The following PDE3A variants were observed in gnomAD, a reference collection of about 807,000 sequenced individuals.
The protein encoded by PDE3A is cGMP-inhibited 3',5'-cyclic phosphodiesterase 3A.
Under a neutral mutation model 98.3 loss-of-function variants are expected in PDE3A, and 43 were observed. The observed-to-expected ratio is 0.44, with a 90% CI of 0.34 to 0.56. PDE3A has a LOEUF of 0.56. PDE3A is among the 20% of genes least tolerant of loss of function. The pLI, the probability that PDE3A is intolerant of heterozygous loss-of-function variation, is 0.01. For synonymous variants in PDE3A, 663 were observed against 567.9 expected (o/e 1.17, Z -2.38); for missense variants, 1,427 against 1,440.7 (o/e 0.99, Z 0.15).
chr12:20,466,404 T>C (rs949834601), intron 1 of PDE3A, among the ~76,000 whole-genome samples: 1 of 152,222 alleles, frequency 6.6e-6, no homozygotes, highest in African/African-American at 2.4e-5. Context: ...CTCCTGTGTT[T>C]CAAGGAGGAG....
At chr12:20,627,538 C>A (rs1421362979) in intron 5 of PDE3A, among the ~76,000 whole-genome samples, 1 of 152,008 alleles carries the variant, frequency 6.6e-6, no homozygotes, top group Non-Finnish European at 1.5e-5. Context: ...TTCTGTATTT[C>A]ATGAGGCCTC....
chr12:20,628,419 T>A (rs1944313351), intron 5 of PDE3A, among the ~76,000 whole-genome samples: 1 of 152,186 alleles, frequency 6.6e-6, no homozygotes, highest in Non-Finnish European at 1.5e-5. Context: ...TAAGGAGCAA[T>A]GCAAACGCTG....
chr12:20,376,132 T>G (rs1241617165), intron 1 of PDE3A, among the ~76,000 whole-genome samples: 1 of 151,888 alleles, frequency 6.6e-6, no homozygotes, highest in Non-Finnish European at 1.5e-5. Flanking sequence ...GTACACTGAT[T>G]GATTGTATTT....
intron 2 of PDE3A, among the ~76,000 whole-genome samples, chr12:20,562,654 C>T (rs12825661): frequency 0.51 from 77,246 of 151,916 alleles, 19,847 homozygotes; most frequent in Admixed American, 0.58. Flanking sequence ...CATCCTAACA[C>T]TTTAATATTC....
rs753390254 is a variant in PDE3A at position 20,679,907 on chromosome 12, TATA to T, written c.3185-119_3185-117del. 96,161 of 163,056 alleles carry T rather than the reference TATA, an allele frequency of 0.59. 27,712 individuals are homozygous for T. The highest frequency in any genetic ancestry group is 0.77 in the East Asian group (4,877 of 6,372). 10.1% of individuals were successfully genotyped at this position (163,056 alleles called of 1,614,324 possible). A position where few individuals can be genotyped will look rare whatever the true frequency, so the allele number is the denominator to read the frequency against. ...TATATATATAATAATATATATATAA[TATA>T]ATATAATATAATAAGGTTATGGATT... On this transcript the variant is annotated intron_variant, in intron 15 of 15. Coordinates refer to ENST00000359062, the MANE Select transcript of PDE3A (RefSeq NM_000921.5).
intron 2 of PDE3A, among the ~76,000 whole-genome samples, chr12:20,594,556 G>GT (rs1478447918): frequency 2.0e-5 from 3 of 150,988 alleles, no homozygotes; most frequent in Non-Finnish European, 4.4e-5. Flanking sequence ...GCTGAGCCTG[G>GT]TACCTGAGCA....
In PDE3A at chr12:20,493,196, T is replaced by A. The variant is rs1945858856; in HGVS notation, c.961-63464T>A. 2.6e-5 allele frequency among the ~76,000 whole-genome samples: 4 copies of A among 152,142 alleles called. No individual in the cohort carries two copies. The South Asian group carries it at 8.3e-4, about 32-fold the overall frequency. Reference sequence around the variant, plus strand: ...ATGAATTAATTTTACATGCACCTTTTAGCTGTTTCTGATTTTTACTTAGCA... The same window carrying A: ...ATGAATTAATTTTACATGCACCTTTAAGCTGTTTCTGATTTTTACTTAGCA... On this transcript the variant is annotated intron_variant, in intron 1 of 15. Transcript: ENST00000359062.
At chr12:20,593,325 C>G (rs576869502) in intron 2 of PDE3A, among the ~76,000 whole-genome samples, 1 of 152,074 alleles carries the variant, frequency 6.6e-6, no homozygotes, top group East Asian at 1.9e-4. Context: ...AAAAGGGCGG[C>G]GGGTTAAAGG....
chr12:20,662,974 C>A (rs1945214337), intron 15 of PDE3A, among the ~76,000 whole-genome samples: 1 of 152,138 alleles, frequency 6.6e-6, no homozygotes, highest in African/African-American at 2.4e-5. Flanking sequence ...TTTCACAGGC[C>A]AGGCCCCAGA....
intron 1 of PDE3A, among the ~76,000 whole-genome samples, chr12:20,491,858 A>G (rs1945831545): frequency 6.6e-6 from 1 of 152,200 alleles, no homozygotes; most frequent in Non-Finnish European, 1.5e-5. Flanking sequence ...AGTAGTGTCC[A>G]ATGTTACTGC....
intron 2 of PDE3A, among the ~76,000 whole-genome samples, chr12:20,585,773 G>C (rs568502563): frequency 7.9e-5 from 12 of 152,022 alleles, no homozygotes; most frequent in Non-Finnish European, 1.3e-4. Flanking sequence ...TCACTCTTTT[G>C]CTTTCTTTAG....
At chr12:20,633,282 G>A (rs1351873286) in intron 6 of PDE3A, among the ~76,000 whole-genome samples, 1 of 152,110 alleles carries the variant, frequency 6.6e-6, no homozygotes, top group African/African-American at 2.4e-5. Context: ...AGGCTTTTAA[G>A]CCGACAGAAA....
intron 15 of PDE3A, among the ~76,000 whole-genome samples, chr12:20,669,503 G>A (rs866359521): frequency 0.047 from 7,147 of 151,278 alleles, 306 homozygotes; most frequent in African/African-American, 0.11. Context: ...CAGATCTCTC[G>A]GCAGAAACCC....
rs777319471 is a variant in PDE3A at position 20,556,668 on chromosome 12, G to T, written c.969G>T (p.Gly323=). 7 of 1,592,062 alleles carry T rather than the reference G, an allele frequency of 4.4e-6. No individual in the cohort carries two copies. The East Asian group carries it at 6.7e-5, about 15-fold the overall frequency. The change falls in exon 2 of 16, where the codon GGG becomes GGT. Residue 323 remains glycine (G), a synonymous_variant. Coordinates refer to ENST00000359062, the MANE Select transcript of PDE3A (RefSeq NM_000921.5). ...AATTTTCATCTTTCCAGCTCATGGGGCATTCAGAATGGGACCACAAACGAG... is the reference window on the plus strand; with the variant it reads ...AATTTTCATCTTTCCAGCTCATGGGTCATTCAGAATGGGACCACAAACGAG... ...LPCIPREQLM[G]HSEWDHKRGP...
Position 20,668,130 on chromosome 12 carries a change from G to A in PDE3A, c.3185-11900G>A, listed in dbSNP as rs111649066. 5.0e-3 allele frequency among the ~76,000 whole-genome samples: 756 copies of A among 152,310 alleles called. 7 individuals are homozygous for A. The highest frequency in any genetic ancestry group is 0.011 in the East Asian group (55 of 5,168). On this transcript the variant is annotated intron_variant, in intron 15 of 15. Coordinates refer to ENST00000359062, the MANE Select transcript of PDE3A (RefSeq NM_000921.5). ...CAGGTCACTCCCACCTGAATACTGC[G>A]CTTTTCCGACGGGCTTAAAAAACGG... is the stretch of plus-strand genomic sequence containing the variant.
At chr12:20,527,310 G>A (rs904320339) in intron 1 of PDE3A, among the ~76,000 whole-genome samples, 2 of 152,092 alleles carry the variant, frequency 1.3e-5, no homozygotes, top group South Asian at 4.2e-4. Context: ...TGGATCACTC[G>A]TTTCTAAATG....
At chr12:20,620,900 A>C (rs1944117188) in intron 4 of PDE3A, among the ~76,000 whole-genome samples, 1 of 152,106 alleles carries the variant, frequency 6.6e-6, no homozygotes, top group African/African-American at 2.4e-5. Flanking sequence ...TAGAGTACTG[A>C]AGTAAACATT....
At chr12:20,456,738 A>T (rs1945159185) in intron 1 of PDE3A, among the ~76,000 whole-genome samples, 1 of 152,198 alleles carries the variant, frequency 6.6e-6, no homozygotes, top group African/African-American at 2.4e-5. Flanking sequence ...TTCAGTTCTT[A>T]GAAGTTTAAT....
chr12:20,578,034 G>A (rs1942975127), intron 2 of PDE3A, among the ~76,000 whole-genome samples: 1 of 152,082 alleles, frequency 6.6e-6, no homozygotes, highest in African/African-American at 2.4e-5. Flanking sequence ...CATGTTCCAG[G>A]GAGAAACTGG....
Sources: allele counts gnomAD v4.1 joint callset (sites outside exome capture counted in the v4.1 genomes callset), GRCh38; gene constraint gnomAD v4.1.1; transcripts MANE v1.5; gene names NCBI Gene and HGNC (gene_info 2026-07-23, HGNC 2026-07-21).